CYP2A7: variants seen among roughly 807,000 people sequenced by gnomAD.
The protein encoded by CYP2A7 is cytochrome P450 family 2 subfamily A member 7, also known as cytochrome P450 2A7.
CYP2A7 carries 36 observed loss-of-function variants against 42.0 expected under a neutral mutation model. That is an observed-to-expected ratio of 0.86 (90% CI 0.66 to 1.13). The LOEUF (loss-of-function observed/expected upper bound fraction) is 1.13, where lower values mean the gene tolerates loss of function less well. Ranked by LOEUF, CYP2A7 falls within the 50% of genes most tolerant of loss-of-function variation. CYP2A7 has a pLI of 0.00. For missense variants in CYP2A7, 661 were observed against 634.1 expected (o/e 1.04, Z -0.46); for synonymous variants, 260 against 249.5 (o/e 1.04, Z -0.40).
Position 40,877,244 on chromosome 19 carries a change from A to C in CYP2A7, c.1107T>G (p.Ser369Arg). 6.2e-7 allele frequency: 1 copy of C among 1,612,624 alleles called. No individual in the cohort carries two copies. The highest frequency in any genetic ancestry group is 8.5e-7 in the Non-Finnish European group (1 of 1,179,142). The change falls in exon 7 of 9, where the codon AGT becomes AGG. Residue 369 changes from serine to arginine, a missense_variant. By Grantham distance (110) the Ser-to-Arg change is moderately radical. Coordinates refer to ENST00000301146, the MANE Select transcript of CYP2A7 (RefSeq NM_000764.3). ...IQRFGDVIPM[S>R]LARRVKKDTK... ...TGTCCTTTTTAACCCTGCGGGCCAA[A>C]CTCATGGGGATCACGTCTCCAAATC...
In CYP2A7 at chr19:40,875,545, T is replaced by C. The variant is rs1301684193; in HGVS notation, c.*148A>G. 4 of 1,219,908 alleles carry C rather than the reference T, an allele frequency of 3.3e-6. No homozygotes were observed. The African/African-American group carries it at 6.2e-5, about 19-fold the overall frequency. 75.6% of individuals were successfully genotyped at this position (1,219,908 alleles called of 1,614,324 possible). Reference sequence around the variant, plus strand: ...ACCTTATCAAGGTGAACTGAGCCGCTTCTGTTTCTTCTCTTCCCTCTAGCC... The same window carrying C: ...ACCTTATCAAGGTGAACTGAGCCGCCTCTGTTTCTTCTCTTCCCTCTAGCC... On this transcript the variant is annotated 3_prime_UTR_variant, in exon 9 of 9. Coordinates refer to ENST00000301146, the MANE Select transcript of CYP2A7 (RefSeq NM_000764.3).
chr19:40,880,910 T>C (rs1026414859), intron 2 of CYP2A7, among the ~76,000 whole-genome samples: 5 of 100,268 alleles, frequency 5.0e-5, no homozygotes, highest in East Asian at 2.9e-4. Flanking sequence ...AAAGGCCAGA[T>C]AGAGATGCGC....
intron 4 of CYP2A7, 82 bp downstream of exon 4, chr19:40,880,002 A>C: frequency 6.3e-7 from 1 of 1,577,886 alleles, no homozygotes; most frequent in Non-Finnish European, 8.6e-7. Context: ...GCGGGGTGGG[A>C]GTTTGGGGCA....
At chr19:40,877,764 G>A in intron 6 of CYP2A7, 88 bp downstream of exon 6, 1 of 1,519,846 alleles carries the variant, frequency 6.6e-7, no homozygotes, top group Non-Finnish European at 8.8e-7. Context: ...CAGGGTCCTG[G>A]GATCTGGGAC....
Position 40,882,109 on chromosome 19 carries a change from A to G in CYP2A7, c.102T>C (p.Pro34=), listed in dbSNP as rs1233094813. ...WQQRKSRGKL[P]PGPTPLPFIG... ...TGAAGGGCAGTGGGGTGGGTCCCGG[A>G]GGCAGCTTCCCCCTGCTCTTCCTCT... The change falls in exon 1 of 9, where the codon CCT becomes CCC. Residue 34 remains proline, a synonymous_variant. Coordinates refer to ENST00000301146, the MANE Select transcript of CYP2A7 (RefSeq NM_000764.3). The G allele has an allele frequency of 1.2e-6, 2 of 1,613,780 alleles. No homozygotes were observed. Among genetic ancestry groups the G allele is most frequent in the African/African-American group, 2.7e-5 (2 of 74,884 alleles).
chr19:40,879,357 T>C (rs1185514028), intron 4 of CYP2A7, among the ~76,000 whole-genome samples: 1 of 151,608 alleles, frequency 6.6e-6, no homozygotes, highest in Non-Finnish European at 1.5e-5. Flanking sequence ...TCCAGATACT[T>C]ACTGGGTCTG....
chr19:40,878,137 C>G (rs1967578548), intron 5 of CYP2A7, 144 bp from the exon 6 acceptor site: 1 of 850,988 alleles, frequency 1.2e-6, no homozygotes, highest in South Asian at 2.1e-5. Flanking sequence ...GCTCTAGGTT[C>G]CAGCCCTTGC....
chr19:40,878,301 G>A (rs1225264120), intron 5 of CYP2A7, among the ~76,000 whole-genome samples: 2 of 151,690 alleles, frequency 1.3e-5, no homozygotes, highest in African/African-American at 2.4e-5. Flanking sequence ...GAACTCCTGG[G>A]CTCAAGCAAT....
Position 40,875,710 on chromosome 19 carries a change from T to A in CYP2A7, c.1468A>T (p.Ser490Cys). ...GCCCTCGCTCAGCGGGGCAGGAAGC[T>A]CATGGTGTAGTTTCGTGGGATCGTG... ...FATIPRNYTM[S>C]FLPR is the part of the protein sequence containing the mutation. Residue 490 changes from serine to cysteine, a missense_variant, in exon 9 of 9, where the codon AGC (serine) becomes TGC (cysteine). Coordinates refer to ENST00000301146, the MANE Select transcript of CYP2A7 (RefSeq NM_000764.3). 6.2e-7 allele frequency: 1 copy of A among 1,609,178 alleles called. No individual in the cohort carries two copies. The highest frequency in any genetic ancestry group is 1.1e-5 in the South Asian group (1 of 90,696).
chr19:40,880,704 C>T lies in CYP2A7; in HGVS notation c.344-76G>A, dbSNP rs1180094385. On this transcript the variant is annotated intron_variant, in intron 2 of 8. Transcript: ENST00000301146. Reference sequence around the variant, plus strand: ...GGAGCGGACCAGTTCCAAGGGGCTCCCCAAGGGTGGAGCAGAGGGGTAGTG... The same window carrying T: ...GGAGCGGACCAGTTCCAAGGGGCTCTCCAAGGGTGGAGCAGAGGGGTAGTG... The T allele has an allele frequency of 7.9e-5, 119 of 1,510,584 alleles. 24 individuals are homozygous for T. Among genetic ancestry groups the T allele is most frequent in the Middle Eastern group, 4.4e-4 (2 of 4,584 alleles). The allele number at this position is 1,510,584 out of a possible 1,614,324, so 93.6% of individuals were successfully genotyped here.
chr19:40,878,238 GT>G (rs879727705), intron 5 of CYP2A7, among the ~76,000 whole-genome samples: 13 of 149,450 alleles, frequency 8.7e-5, no homozygotes, highest in Non-Finnish European at 1.5e-4. Context: ...TTAGCTGTCA[GT>G]TTTTTTTTTC....
chr19:40,880,798 GGAGAGAGAGAGAGAGAGAGAGAGAGAGA>G lies in CYP2A7; in HGVS notation c.344-198_344-171del, dbSNP rs1171374070. 2.2e-3 allele frequency among the ~76,000 whole-genome samples: 60 copies of G among 27,442 alleles called. 7 individuals are homozygous for G. The highest frequency in any genetic ancestry group is 0.013 in the Admixed American group (21 of 1,606). 18.0% of individuals were successfully genotyped at this position (27,442 alleles called of 152,430 possible). A position where few individuals can be genotyped will look rare whatever the true frequency, so the allele number is the denominator to read the frequency against. On this transcript the variant is annotated intron_variant, in intron 2 of 8. Transcript: ENST00000301146. ...GCAAACTCAGTCAGAGAAACACGAG[GGAGAGAGAGAGAGAGAGAGAGAGAGAGA>G]GAGAGAGAGAGAGAGAGAGAGAGAG...
In CYP2A7 at chr19:40,878,698, C is replaced by A; in HGVS notation, c.831+62G>T. The A allele has an allele frequency of 4.4e-6, 7 of 1,595,034 alleles. No individual in the cohort carries two copies. The Admixed American group carries it at 8.5e-5, about 19-fold the overall frequency. ...GGGTCTGTGTCGTCTGCCCGCCCCA[C>A]TCCCAGTCTGATTTCCCTCTGCCTG... is the stretch of plus-strand genomic sequence containing the variant. On this transcript the variant is annotated intron_variant, in intron 5 of 8. Transcript: ENST00000301146.
chr19:40,882,040 G>A lies in CYP2A7; in HGVS notation c.171C>T (p.Ser57=), dbSNP rs1967706869. The A allele has an allele frequency of 6.2e-7, 1 of 1,613,210 alleles. No homozygotes were observed. Among genetic ancestry groups the A allele is most frequent in the East Asian group, 2.2e-5 (1 of 44,874 alleles). The change falls in exon 1 of 9, where the codon TCC becomes TCT. Residue 57 remains serine, a synonymous_variant. Coordinates refer to ENST00000301146, the MANE Select transcript of CYP2A7 (RefSeq NM_000764.3). ...LQLNTEHICD[S]IMKFSECYGP... ...TCCTGCCTTGGGACACCTTCATGAT[G>A]GAGTCACATATGTGCTCTGTGTTCA... is the stretch of plus-strand genomic sequence containing the variant.
rs748758491 is a variant in CYP2A7, at chr19:40,880,262, G to A, written c.494-18C>T. ...ATTGGCGCCTGCGGGTGTGGAGGGA[G>A]AAGGGGGTTGGGGAGAGAGTCAACT... On this transcript the variant is annotated intron_variant, in intron 3 of 8. Coordinates refer to ENST00000301146, the MANE Select transcript of CYP2A7 (RefSeq NM_000764.3). The A allele has an allele frequency of 1.2e-6, 2 of 1,612,262 alleles. No individual in the cohort carries two copies. Among genetic ancestry groups the A allele is most frequent in the Non-Finnish European group, 1.7e-6 (2 of 1,178,940 alleles).
chr19:40,878,758 AC>A lies in CYP2A7; in HGVS notation c.831+1del, dbSNP rs1201831548. On this transcript the variant is annotated splice_donor_variant, in intron 5 of 8. Coordinates refer to ENST00000301146, the MANE Select transcript of CYP2A7 (RefSeq NM_000764.3). LOFTEE classifies it high-confidence loss of function. ...CTCCCCGCACTGGCTGCTGGGGTGT[AC>A]CTCCTGCATGTGGATGAGAAAGGAG... 6.2e-7 allele frequency: 1 copy of A among 1,611,148 alleles called. No individual in the cohort carries two copies. The highest frequency in any genetic ancestry group is 1.3e-5 in the African/African-American group (1 of 74,834).
rs773851050 is a variant in CYP2A7, at chr19:40,880,228, G to C, written c.510C>G (p.Pro170=). The change falls in exon 4 of 9, where the codon CCC becomes CCG. Residue 170 remains proline (P), a synonymous_variant. Coordinates refer to ENST00000301146, the MANE Select transcript of CYP2A7 (RefSeq NM_000764.3). ...AGACTGTGCGGCTCAGGAAGAAGGTGGGATCGATATTGGCGCCTGCGGGTG... is the reference window on the plus strand; with the variant it reads ...AGACTGTGCGGCTCAGGAAGAAGGTCGGATCGATATTGGCGCCTGCGGGTG... ...IRSTHGANID[P]TFFLSRTVSN... is the part of the protein sequence containing the mutation. The C allele has an allele frequency of 4.3e-6, 7 of 1,612,902 alleles. No homozygotes were observed. The highest frequency in any genetic ancestry group is 1.7e-5 in the Admixed American group (1 of 59,908).
At chr19:40,878,624 C>G (rs932353685) in intron 5 of CYP2A7, 136 bp downstream of exon 5, 24 of 1,270,986 alleles carry the variant, frequency 1.9e-5, no homozygotes, top group Non-Finnish European at 2.6e-5. Flanking sequence ...CTGTTAGCCA[C>G]GGCGCCCAGC....
In CYP2A7 at chr19:40,880,100, GACGTGAACTGGAAGATTCCT is replaced by G. The variant is rs1207574034; in HGVS notation, c.618_637del (p.Gly207AsnfsTer8). On this transcript the variant is annotated frameshift_variant, in exon 4 of 9. Coordinates refer to ENST00000301146, the MANE Select transcript of CYP2A7 (RefSeq NM_000764.3). LOFTEE classifies it high-confidence loss of function. The stretch of plus-strand genomic sequence containing the variant: ...GCCAGTTACCTGCCCCGTGGAGGTT[GACGTGAACTGGAAGATTCCT>G]AGCATCATGCTCAGCAGTGACAGGA... The G allele has an allele frequency of 6.2e-7, 1 of 1,612,926 alleles. No individual in the cohort carries two copies. The highest frequency in any genetic ancestry group is 1.7e-5 in the Admixed American group (1 of 59,922).
Sources: gnomAD v4.1 joint callset for allele counts (sites outside exome capture counted in the v4.1 genomes callset) on GRCh38, gnomAD v4.1.1 for gene constraint, MANE v1.5 for transcripts, NCBI Gene and HGNC (gene_info 2026-07-23, HGNC 2026-07-21) for gene names.